SBF2: variants seen among roughly 807,000 people sequenced by gnomAD.
SBF2 encodes the protein myotubularin-related protein 13.
In SBF2, 112 loss-of-function variants were observed where a neutral mutation model predicts 225.2. That is an observed-to-expected ratio of 0.50 (90% confidence interval 0.43 to 0.58). The LOEUF is 0.58. Ranked by LOEUF, SBF2 falls within the 20% of genes least tolerant of loss-of-function variation. The probability of loss-of-function intolerance (pLI) is 0.00; values close to 1 mark genes in which losing one functional copy is unlikely to be tolerated. For missense variants in SBF2, 1,996 were observed against 2,206.2 expected, an observed-to-expected ratio of 0.90 and a Z score of 1.91; for synonymous variants, 763 against 773.3, an observed-to-expected ratio of 0.99 and a Z score of 0.22.
chr11:9,810,338 C>T (rs1854113165), intron 30 of SBF2: 1 of 152,128 alleles, frequency 6.6e-6, no homozygotes, highest in African/African-American at 2.4e-5. Context: ...GAGAAAAAAA[C>T]TTTCAATATA....
chr11:10,145,195 C>G (rs1398713234), intron 2 of SBF2, among the ~76,000 whole-genome samples: 1 of 152,156 alleles, frequency 6.6e-6, no homozygotes, highest in Non-Finnish European at 1.5e-5. Flanking sequence ...CTTGTCCACT[C>G]ATACGCCTGG....
At chr11:10,084,570 C>T (rs190499771) in intron 2 of SBF2, among the ~76,000 whole-genome samples, 1 of 152,018 alleles carries the variant, frequency 6.6e-6, no homozygotes, top group African/African-American at 2.4e-5. Context: ...TCCAGCAATC[C>T]CACTACTGGG....
chr11:10,134,354 T>A (rs1368816230), intron 2 of SBF2, among the ~76,000 whole-genome samples: 1 of 151,964 alleles, frequency 6.6e-6, no homozygotes, highest in Non-Finnish European at 1.5e-5. Context: ...CCAAACCATA[T>A]CATTCTGCCC....
chr11:9,883,534 C>T (rs573517178), intron 17 of SBF2, among the ~76,000 whole-genome samples: 2 of 151,946 alleles, frequency 1.3e-5, no homozygotes, highest in South Asian at 2.1e-4. Flanking sequence ...TAAATCCTCA[C>T]GTGTGTATGT....
chr11:10,161,061 C>T (rs1326521012), intron 2 of SBF2, among the ~76,000 whole-genome samples: 1 of 152,102 alleles, frequency 6.6e-6, no homozygotes, highest in East Asian at 1.9e-4. Context: ...GTGGCACACG[C>T]CTGTAATCCC....
chr11:10,272,796 C>T (rs1038019779), intron 1 of SBF2, among the ~76,000 whole-genome samples: 3 of 137,828 alleles, frequency 2.2e-5, no homozygotes, highest in Admixed American at 7.3e-5. Context: ...ACATGCCGGG[C>T]GCGGTGGCTC....
chr11:10,186,578 C>T (rs1183059764), intron 2 of SBF2, among the ~76,000 whole-genome samples: 1 of 152,126 alleles, frequency 6.6e-6, no homozygotes, highest in Non-Finnish European at 1.5e-5. Context: ...AACCCAAAAG[C>T]TCTCTGAGCC....
chr11:9,825,893 C>T (rs1236822611), intron 28 of SBF2, among the ~76,000 whole-genome samples: 1 of 152,166 alleles, frequency 6.6e-6, no homozygotes, highest in African/African-American at 2.4e-5. Context: ...GACTCATAAC[C>T]AGTATAGATG....
intron 1 of SBF2, among the ~76,000 whole-genome samples, chr11:10,287,988 T>A (rs563350259): frequency 1.3e-5 from 2 of 152,344 alleles, no homozygotes; most frequent in Non-Finnish European, 2.9e-5. Flanking sequence ...GCCAGCTCTC[T>A]GCGAGGCTGT....
intron 2 of SBF2, among the ~76,000 whole-genome samples, chr11:10,092,658 G>A (rs955001502): frequency 7.2e-5 from 11 of 152,170 alleles, no homozygotes; most frequent in East Asian, 3.9e-4. Context: ...TACAGAAGCC[G>A]TAATTTCTAT....
chr11:9,789,118 G>C lies in SBF2; in HGVS notation c.4923C>G (p.Ser1641Arg). The stretch of plus-strand genomic sequence containing the variant: ...TCTACAGTTGACTTACACTGAAAAG[G>C]CTGGTGAGAGCATCAGGCTGAGTAC... The part of the protein sequence containing the change: ...VSCTQPDALT[S>R]LFSEIEKLEH... Residue 1641 changes from serine to arginine, a missense_variant, in exon 35 of 40, where the codon AGC (serine) becomes AGG (arginine). Coordinates refer to ENST00000256190, the MANE Select transcript of SBF2 (RefSeq NM_030962.4). The C allele has an allele frequency of 6.2e-7, 1 of 1,614,008 alleles. No homozygotes were observed. Among genetic ancestry groups the C allele is most frequent in the Non-Finnish European group, 8.5e-7 (1 of 1,179,904 alleles).
At chr11:10,210,655 C>T (rs186731934) in intron 1 of SBF2, among the ~76,000 whole-genome samples, 1 of 152,118 alleles carries the variant, frequency 6.6e-6, no homozygotes, top group African/African-American at 2.4e-5. Context: ...TAACCAAGAA[C>T]ACAGCAGACT....
chr11:9,890,063 C>A (rs969923524), intron 17 of SBF2, among the ~76,000 whole-genome samples: 1 of 152,094 alleles, frequency 6.6e-6, no homozygotes, highest in Non-Finnish European at 1.5e-5. Context: ...GCCACCATGC[C>A]CAGCTAATTT....
chr11:10,176,178 C>A (rs1956453522), intron 2 of SBF2, among the ~76,000 whole-genome samples: 2 of 144,174 alleles, frequency 1.4e-5, no homozygotes. Flanking sequence ...ATCTCTGGGA[C>A]ACATTCAAAG....
chr11:10,289,987 C>T (rs542271920), intron 1 of SBF2, among the ~76,000 whole-genome samples: 9 of 152,312 alleles, frequency 5.9e-5, no homozygotes. Context: ...AGCATCATTG[C>T]TGCTCCCATA....
chr11:10,290,352 G>A (rs1364360067), intron 1 of SBF2, among the ~76,000 whole-genome samples: 3 of 152,042 alleles, frequency 2.0e-5, no homozygotes, highest in African/African-American at 7.2e-5. Context: ...GGGCACTGGG[G>A]TACAACAGAG....
chr11:9,941,214 G>C (rs371773445), intron 16 of SBF2, among the ~76,000 whole-genome samples: 2 of 152,090 alleles, frequency 1.3e-5, no homozygotes, highest in African/African-American at 4.8e-5. Flanking sequence ...ACACAGGAGA[G>C]TGAGGTGGGA....
chr11:9,871,887 C>G (rs976362234), intron 17 of SBF2, among the ~76,000 whole-genome samples: 63 of 152,198 alleles, frequency 4.1e-4, no homozygotes, highest in African/African-American at 1.5e-3. Context: ...TAAATTAGTT[C>G]AACCCTTGTG....
intron 2 of SBF2, among the ~76,000 whole-genome samples, chr11:10,089,016 T>C (rs1392784612): frequency 6.6e-6 from 1 of 152,154 alleles, no homozygotes; most frequent in Non-Finnish European, 1.5e-5. Context: ...TACTGACACA[T>C]AGAACCTGGG....
Sources: allele counts gnomAD v4.1 joint callset (sites outside exome capture counted in the v4.1 genomes callset), GRCh38; gene constraint gnomAD v4.1.1; transcripts MANE v1.5; gene names NCBI Gene and HGNC (gene_info 2026-07-23, HGNC 2026-07-21).